Variants in CEP112 observed in about 807,000 individuals in gnomAD.
The protein encoded by CEP112 is centrosomal protein 112.
CEP112 carries 127 observed loss-of-function variants against 153.0 expected under a neutral mutation model. The observed-to-expected ratio is 0.83, with a 90% confidence interval of 0.72 to 0.96. CEP112 has a LOEUF of 0.96. CEP112 is among the 40% of genes least tolerant of loss of function. The pLI is 0.00. For synonymous variants in CEP112, 358 were observed against 374.4 expected (o/e 0.96, Z 0.51); for missense variants, 1,089 against 1,101.2 (o/e 0.99, Z 0.16).
At chr17:66,160,770 T>C (rs771833818) in intron 4 of CEP112, among the ~76,000 whole-genome samples, 2 of 152,020 alleles carry the variant, frequency 1.3e-5, no homozygotes, top group African/African-American at 2.4e-5. Flanking sequence ...ATTCAGGACA[T>C]AGGTATGGGC....
At chr17:66,139,544 G>T (rs542258143) in intron 4 of CEP112, among the ~76,000 whole-genome samples, 1 of 152,272 alleles carries the variant, frequency 6.6e-6, no homozygotes, top group East Asian at 1.9e-4. Context: ...AGATGTCAAG[G>T]CGGCAGTGAG....
At chr17:65,964,215 T>C (rs1023524970) in intron 17 of CEP112, among the ~76,000 whole-genome samples, 1 of 152,228 alleles carries the variant, frequency 6.6e-6, no homozygotes, top group African/African-American at 2.4e-5. Flanking sequence ...GGTCTTAATG[T>C]TAACTGGCTG....
chr17:65,931,134 C>T (rs182161715), intron 18 of CEP112, among the ~76,000 whole-genome samples: 1 of 152,076 alleles, frequency 6.6e-6, no homozygotes, highest in Non-Finnish European at 1.5e-5. Flanking sequence ...CCATGGTATG[C>T]GAAGTAAAGA....
chr17:65,785,099 C>G (rs1200519840), intron 21 of CEP112, among the ~76,000 whole-genome samples: 1 of 152,206 alleles, frequency 6.6e-6, no homozygotes, highest in Non-Finnish European at 1.5e-5. Context: ...CCTTTCATGA[C>G]CAGATTCTTT....
chr17:65,882,904 C>T (rs961526015), intron 20 of CEP112, among the ~76,000 whole-genome samples: 2 of 152,152 alleles, frequency 1.3e-5, no homozygotes, highest in Non-Finnish European at 2.9e-5. Flanking sequence ...TGTGACCCTA[C>T]TCAACTCTTA....
intron 16 of CEP112, among the ~76,000 whole-genome samples, chr17:66,020,997 C>G (rs1462210113): frequency 6.6e-6 from 1 of 152,082 alleles, no homozygotes; most frequent in Non-Finnish European, 1.5e-5. Flanking sequence ...CTGAGTGAAG[C>G]TCCAATATAG....
intron 18 of CEP112, among the ~76,000 whole-genome samples, chr17:65,948,653 A>G (rs1394630513): frequency 6.6e-6 from 1 of 151,996 alleles, no homozygotes; most frequent in Non-Finnish European, 1.5e-5. Context: ...TACATTTTAC[A>G]CAGTTAGTTG....
At chr17:66,150,833 T>A (rs1223923308) in intron 4 of CEP112, among the ~76,000 whole-genome samples, 2 of 152,230 alleles carry the variant, frequency 1.3e-5, no homozygotes, top group Non-Finnish European at 2.9e-5. Context: ...TTCCCTTTGG[T>A]ACTATTAGTT....
intron 23 of CEP112, among the ~76,000 whole-genome samples, chr17:65,734,628 T>C (rs2050694426): frequency 6.6e-6 from 1 of 152,216 alleles, no homozygotes; most frequent in Non-Finnish European, 1.5e-5. Context: ...TGCAAATCTT[T>C]TCAATGTCTG....
chr17:65,661,756 T>G (rs985047320), intron 24 of CEP112: 1 of 152,208 alleles, frequency 6.6e-6, no homozygotes, highest in African/African-American at 2.4e-5. Flanking sequence ...GGCTGGAGTT[T>G]GCATGAAGCA....
At chr17:65,778,686 ATAT>A (rs1461938107) in intron 21 of CEP112, among the ~76,000 whole-genome samples, 1 of 152,216 alleles carries the variant, frequency 6.6e-6, no homozygotes, top group Non-Finnish European at 1.5e-5. Flanking sequence ...TCCACTTAGC[ATAT>A]TAAAGGTAAG....
At chr17:65,736,695 C>T (rs182396839) in intron 23 of CEP112, among the ~76,000 whole-genome samples, 13 of 152,274 alleles carry the variant, frequency 8.5e-5, no homozygotes, top group African/African-American at 3.1e-4. Context: ...TAGTCATGTG[C>T]AGATTAGATC....
intron 17 of CEP112, among the ~76,000 whole-genome samples, chr17:65,970,362 T>TATTACAGGCACACATCATGCATGTAA (rs2062646739): frequency 4.4e-5 from 6 of 134,956 alleles, no homozygotes; most frequent in Non-Finnish European, 9.9e-5. Flanking sequence ...TATGTGCCTA[T>TATTACAGGCACACATCATGCATGTAA]ATTACATGCA....
chr17:65,898,079 A>T (rs2059718557), intron 20 of CEP112, among the ~76,000 whole-genome samples: 1 of 152,108 alleles, frequency 6.6e-6, no homozygotes, highest in South Asian at 2.1e-4. Context: ...AATATAATTT[A>T]TTGCTTAATT....
At chr17:65,864,644 T>G (rs865792416) in intron 20 of CEP112, among the ~76,000 whole-genome samples, 1 of 152,144 alleles carries the variant, frequency 6.6e-6, no homozygotes, top group African/African-American at 2.4e-5. Context: ...TACTTGTGCT[T>G]CTTATGTAAA....
intron 19 of CEP112, among the ~76,000 whole-genome samples, chr17:65,921,186 G>A (rs867827641): frequency 3.3e-5 from 5 of 151,970 alleles, no homozygotes; most frequent in Admixed American, 6.6e-5. Context: ...TGTAGGCACC[G>A]TCAGACGGCT....
At chr17:66,033,320 A>G (rs1001418865) in intron 12 of CEP112, among the ~76,000 whole-genome samples, 1 of 152,256 alleles carries the variant, frequency 6.6e-6, no homozygotes, top group Non-Finnish European at 1.5e-5. Context: ...AGAATGAAGA[A>G]TGCCAAGACA....
rs190210914 is a variant in CEP112 at position 66,121,546 on chromosome 17, T to G, written c.642+8200A>C. On this transcript the variant is annotated intron_variant, in intron 6 of 26. Transcript: ENST00000535342. The stretch of plus-strand genomic sequence containing the variant: ...AGGCAATGTTCATTTTTCTGCATTC[T>G]TTTTTCACTCTCTTCTTTGGCCTGC... Among the ~76,000 whole-genome samples the G allele has an allele frequency of 9.9e-4, 151 of 152,330 alleles. 1 individual carries two copies. The highest frequency in any genetic ancestry group is 3.4e-3 in the African/African-American group (142 of 41,576).
intron 21 of CEP112, among the ~76,000 whole-genome samples, chr17:65,805,688 G>A (rs1251619326): frequency 2.0e-5 from 3 of 152,098 alleles, no homozygotes; most frequent in Non-Finnish European, 4.4e-5. Flanking sequence ...TGATAAATGA[G>A]GTATTCCTGT....
Sources: gnomAD v4.1 joint callset for allele counts (sites outside exome capture counted in the v4.1 genomes callset) on GRCh38, gnomAD v4.1.1 for gene constraint, MANE v1.5 for transcripts, NCBI Gene and HGNC (gene_info 2026-07-23, HGNC 2026-07-21) for gene names.